SGCD: variants seen among roughly 807,000 people sequenced by gnomAD.
SGCD encodes sarcoglycan delta, also known as delta-sarcoglycan.
In SGCD, 18 loss-of-function variants were observed where a neutral mutation model predicts 36.6. The observed-to-expected ratio is 0.49, with a 90% CI of 0.34 to 0.73. SGCD has a LOEUF of 0.73. Ranked by LOEUF, SGCD falls within the 30% of genes least tolerant of loss-of-function variation. The pLI is 0.01. For synonymous variants in SGCD, 133 were observed against 130.6 expected (o/e 1.02, Z -0.12); for missense variants, 387 against 346.7 (o/e 1.12, Z -0.92).
intron 7 of SGCD, among the ~76,000 whole-genome samples, chr5:156,746,274 A>T (rs910416408): frequency 2.6e-5 from 4 of 152,186 alleles, no homozygotes; most frequent in African/African-American, 9.6e-5. Flanking sequence ...AGTGTTGTGG[A>T]TATAGCCAAA....
intron 1 of SGCD, among the ~76,000 whole-genome samples, chr5:156,033,874 T>G (rs1426415625): frequency 2.0e-5 from 3 of 152,176 alleles, no homozygotes; most frequent in Non-Finnish European, 4.4e-5. Context: ...CTGGCTCACA[T>G]TGCCCATTTT....
chr5:156,432,136 G>A (rs982404653), intron 3 of SGCD, among the ~76,000 whole-genome samples: 27 of 152,220 alleles, frequency 1.8e-4, no homozygotes, highest in African/African-American at 6.5e-4. Flanking sequence ...AGGTCTCCCA[G>A]CAGTGGATAC....
intron 6 of SGCD, among the ~76,000 whole-genome samples, chr5:156,608,866 C>T (rs1304067514): frequency 6.6e-6 from 1 of 151,858 alleles, no homozygotes; most frequent in Non-Finnish European, 1.5e-5. Context: ...AGGATTGCAA[C>T]CCCTGCCTTT....
At chr5:156,407,401 T>G (rs1043079975) in intron 3 of SGCD, among the ~76,000 whole-genome samples, 1 of 152,208 alleles carries the variant, frequency 6.6e-6, no homozygotes, top group Non-Finnish European at 1.5e-5. Flanking sequence ...GTAGCATTCT[T>G]CCTTTCCTGT....
At chr5:156,444,064 T>TCTC (rs1491385216) in intron 3 of SGCD, among the ~76,000 whole-genome samples, 5 of 34,486 alleles carry the variant, frequency 1.4e-4, no homozygotes, top group Non-Finnish European at 2.4e-4. Flanking sequence ...CTTTCTCTCC[T>TCTC]TCTCTCTCTC....
chr5:156,540,498 C>G (rs1281606627), intron 4 of SGCD, among the ~76,000 whole-genome samples: 1 of 152,078 alleles, frequency 6.6e-6, no homozygotes, highest in Non-Finnish European at 1.5e-5. Context: ...TATATGTTCC[C>G]CTTTAAATTA....
chr5:156,320,948 T>C lies in SGCD; in HGVS notation c.-43-8586T>C, dbSNP rs539035637. Among the ~76,000 whole-genome samples, 3 of 152,298 alleles carry C rather than the reference T, an allele frequency of 2.0e-5. No homozygotes were observed. The South Asian group carries it at 6.2e-4, about 32-fold the overall frequency. On this transcript the variant is annotated intron_variant, in intron 3 of 9. Coordinates refer to the SGCD transcript ENST00000517913. ...GAGTGTCACTTCCCATCAGGTATTA[T>C]TTATGAAATGAACTCTCAAATGAAA...
intron 3 of SGCD, among the ~76,000 whole-genome samples, chr5:156,165,639 A>G (rs1267929866): frequency 6.6e-6 from 1 of 152,226 alleles, no homozygotes; most frequent in Non-Finnish European, 1.5e-5. Flanking sequence ...AGAGTGCTTC[A>G]GACCTGGGTG....
chr5:156,027,579 A>G (rs1759251690), intron 1 of SGCD, among the ~76,000 whole-genome samples: 1 of 152,122 alleles, frequency 6.6e-6, no homozygotes, highest in Non-Finnish European at 1.5e-5. Flanking sequence ...GTGGAAAATC[A>G]TCTTTTAAAA....
intron 1 of SGCD, among the ~76,000 whole-genome samples, chr5:156,072,106 A>T (rs1437293253): frequency 6.6e-6 from 1 of 152,092 alleles, no homozygotes; most frequent in Non-Finnish European, 1.5e-5. Flanking sequence ...TGTGTCTTTT[A>T]ATTGGAGCAT....
chr5:155,753,210 G>A, the SGCD span, among the ~76,000 whole-genome samples: 45 of 152,100 alleles, frequency 3.0e-4, no homozygotes, highest in East Asian at 5.8e-4. Flanking sequence ...GGTGGCACGC[G>A]CCTGTAGTCC....
chr5:155,920,125 A>G (rs945997301), intron 1 of SGCD, among the ~76,000 whole-genome samples: 1 of 152,216 alleles, frequency 6.6e-6, no homozygotes, highest in Non-Finnish European at 1.5e-5. Flanking sequence ...TAGCCACCTC[A>G]GCAATGAAAT....
the SGCD span, among the ~76,000 whole-genome samples, chr5:155,805,739 G>A: frequency 2.6e-5 from 4 of 152,236 alleles, no homozygotes; most frequent in African/African-American, 9.6e-5. Flanking sequence ...CAGTGGAGAG[G>A]AGGCGGGTGA....
the SGCD span, among the ~76,000 whole-genome samples, chr5:155,825,739 T>G: frequency 0.16 from 22,886 of 144,676 alleles, 2,355 homozygotes; most frequent in African/African-American, 0.31. Flanking sequence ...TTTTTTTTTT[T>G]TTGTTGTTGT....
At position 156,508,527 on chromosome 5, in the gene SGCD, G is replaced by GT. The variant is rs375339982; in HGVS notation, c.193-68dup. 6.9e-4 allele frequency: 575 copies of GT among 830,502 alleles called. 3 individuals carry two copies. In the African/African-American group the frequency reaches 8.7e-3, roughly 13 times the overall value. 51.4% of individuals were successfully genotyped at this position (830,502 alleles called of 1,614,324 possible). On this transcript the variant is annotated intron_variant, in intron 3 of 8. Coordinates refer to ENST00000337851, the MANE Select transcript of SGCD (RefSeq NM_000337.6). ...TAAAAAAAAAAAAGGCTATAACTAC[G>GT]TTTTTTACAGCCTGAGGTGTTTTGA...
intron 1 of SGCD, among the ~76,000 whole-genome samples, chr5:155,994,231 T>C (rs1297425305): frequency 6.6e-6 from 1 of 152,132 alleles, no homozygotes; most frequent in Non-Finnish European, 1.5e-5. Context: ...TGTGTGGCAG[T>C]GGGGAACTCA....
intron 3 of SGCD, among the ~76,000 whole-genome samples, chr5:156,470,656 A>G (rs938356994): frequency 1.3e-5 from 2 of 152,084 alleles, no homozygotes; most frequent in African/African-American, 4.8e-5. Flanking sequence ...TTTTGCTCCA[A>G]ATTTTTCTCA....
At chr5:156,637,792 A>G (rs1013106065) in intron 6 of SGCD, among the ~76,000 whole-genome samples, 1 of 152,200 alleles carries the variant, frequency 6.6e-6, no homozygotes, top group Admixed American at 6.5e-5. Context: ...AAAATTATCT[A>G]TAAATCACCT....
In SGCD at chr5:156,304,722, G is replaced by A. The variant is rs185357163; in HGVS notation, c.-43-24812G>A. On this transcript the variant is annotated intron_variant, in intron 3 of 9. Transcript: ENST00000517913. ...GGCTCTGAAGAAGACTGGAAAATGT[G>A]GGAAAGTTTGAAACCTCTATAGACT... Among the ~76,000 whole-genome samples the A allele has an allele frequency of 1.1e-4, 16 of 152,294 alleles. No individual in the cohort carries two copies. In the East Asian group the frequency reaches 2.7e-3, roughly 26 times the overall value.
Sources: allele counts gnomAD v4.1 joint callset (sites outside exome capture counted in the v4.1 genomes callset), GRCh38; gene constraint gnomAD v4.1.1; transcripts MANE v1.5; gene names NCBI Gene and HGNC (gene_info 2026-07-23, HGNC 2026-07-21).